ATP2B1: variants seen among roughly 807,000 people sequenced by gnomAD.
The protein encoded by ATP2B1 is plasma membrane calcium-transporting ATPase 1.
Under a neutral mutation model 124.2 loss-of-function variants are expected in ATP2B1, and 14 were observed. The observed-to-expected ratio is 0.11, with a 90% CI of 0.07 to 0.18. The LOEUF is 0.18. Among genes scored for constraint, ATP2B1 ranks in the 10% least tolerant of loss-of-function variants. The pLI, the probability that ATP2B1 is intolerant of heterozygous loss-of-function variation, is 1.00. For missense variants in ATP2B1, 763 were observed against 1,466.1 expected (o/e 0.52, Z 7.83); for synonymous variants, 449 against 492.4 (o/e 0.91, Z 1.17).
rs1219273980 is a variant in ATP2B1, at chr12:89,677,958, A to ATATATATATGTG, written c.-221-21852_-221-21851insCACATATATATA. Among the ~76,000 whole-genome samples, 12 of 30,228 alleles carry ATATATATATGTG rather than the reference A, an allele frequency of 4.0e-4. No homozygotes were observed. The East Asian group carries it at 6.7e-3, about 17-fold the overall frequency. The allele number at this position is 30,228 out of a possible 152,430, so 19.8% of individuals were successfully genotyped here. A position where few individuals can be genotyped will look rare whatever the true frequency, so the allele number is the denominator to read the frequency against. On this transcript the variant is annotated intron_variant, in intron 1 of 20. Transcript: ENST00000428670. ...GGGGTTGGGGGCATGCAGGAATTAT[A>ATATATATATGTG]TATATATATATATACACACACACAC...
At chr12:89,683,919 A>G (rs1204861310) in intron 1 of ATP2B1, among the ~76,000 whole-genome samples, 21 of 152,194 alleles carry the variant, frequency 1.4e-4, no homozygotes, top group Admixed American at 1.4e-3. Context: ...CAGCATTATT[A>G]ATAAATTCAA....
chr12:89,596,348 A>G (rs1323936619), intron 20 of ATP2B1, among the ~76,000 whole-genome samples: 4 of 152,262 alleles, frequency 2.6e-5, no homozygotes, highest in Admixed American at 6.6e-5. Context: ...TGGATTTTTC[A>G]TAAGTCAATG....
At chr12:89,610,300 G>GA in intron 14 of ATP2B1, 121 bp downstream of exon 14, 1 of 915,910 alleles carries the variant, frequency 1.1e-6, no homozygotes, top group Non-Finnish European at 1.7e-6. Flanking sequence ...AATGTATTTA[G>GA]ATTTTATTAA....
chr12:89,608,514 T>TAA (rs780881059), intron 15 of ATP2B1, among the ~76,000 whole-genome samples: 3 of 142,436 alleles, frequency 2.1e-5, no homozygotes, highest in Non-Finnish European at 1.5e-5. Flanking sequence ...TGTTATCATT[T>TAA]AAAAAAAAAA....
rs1406315922 is a variant in ATP2B1, at chr12:89,708,130, G to A, written c.-222+466C>T. Among the ~76,000 whole-genome samples the A allele has an allele frequency of 2.0e-5, 3 of 152,262 alleles. No homozygotes were observed. The East Asian group carries it at 5.8e-4, about 30-fold the overall frequency. ...CCCGCTCCCCTCCCGCAGTGCGTCT[G>A]GGGGGCCGAGGCCAAGGATTAGAGG... On this transcript the variant is annotated intron_variant, in intron 1 of 20. Transcript: ENST00000428670.
intron 1 of ATP2B1, among the ~76,000 whole-genome samples, chr12:89,658,332 T>C (rs967717371): frequency 6.6e-6 from 1 of 152,126 alleles, no homozygotes. Context: ...ATGTAGCTTC[T>C]TCACCTCTGC....
At chr12:89,605,827 T>G (rs1406713743) in intron 15 of ATP2B1, among the ~76,000 whole-genome samples, 2 of 152,122 alleles carry the variant, frequency 1.3e-5, no homozygotes, top group African/African-American at 2.4e-5. Context: ...CGAGTGCAGA[T>G]TAAAGCATGT....
At chr12:89,622,299 A>T (rs79065704) in intron 9 of ATP2B1, among the ~76,000 whole-genome samples, 1 of 150,758 alleles carries the variant, frequency 6.6e-6, no homozygotes, top group Admixed American at 6.6e-5. Context: ...TAGTTGCTTG[A>T]TTTTTTTTTA....
chr12:89,706,822 A>G (rs910870925), intron 1 of ATP2B1, among the ~76,000 whole-genome samples: 2 of 152,198 alleles, frequency 1.3e-5, no homozygotes, highest in African/African-American at 4.8e-5. Flanking sequence ...TCACTTTTGC[A>G]GACTATATGG....
intron 1 of ATP2B1, among the ~76,000 whole-genome samples, chr12:89,697,857 A>G (rs996971919): frequency 6.6e-5 from 10 of 151,882 alleles, no homozygotes. Context: ...TTGCTTTTTC[A>G]GTTACAGGCT....
At chr12:89,690,383 A>T (rs1351647672) in intron 1 of ATP2B1, among the ~76,000 whole-genome samples, 1 of 150,590 alleles carries the variant, frequency 6.6e-6, no homozygotes, top group Admixed American at 6.6e-5. Context: ...AAGTCTTATT[A>T]ATAAAGTGGG....
At chr12:89,621,927 G>T in intron 9 of ATP2B1, 136 bp from the exon 10 acceptor site, 5 of 920,096 alleles carry the variant, frequency 5.4e-6, no homozygotes, top group Non-Finnish European at 5.8e-6. Flanking sequence ...AAGTACCAAT[G>T]TAATACTGAA....
At chr12:89,614,162 A>G (rs1489472150) in intron 12 of ATP2B1, among the ~76,000 whole-genome samples, 2 of 152,300 alleles carry the variant, frequency 1.3e-5, no homozygotes, top group Non-Finnish European at 2.9e-5. Flanking sequence ...CCGTAAGTCA[A>G]TGTATAGAAC....
intron 20 of ATP2B1, chr12:89,594,180 GA>G (rs1874127691): frequency 1.3e-5 from 2 of 151,890 alleles, no homozygotes; most frequent in Non-Finnish European, 2.9e-5. Flanking sequence ...AGGAATCATC[GA>G]ACCAGAGTTG....
chr12:89,605,839 G>T (rs1476043234), intron 15 of ATP2B1, among the ~76,000 whole-genome samples: 1 of 152,174 alleles, frequency 6.6e-6, no homozygotes, highest in Non-Finnish European at 1.5e-5. Context: ...AAAGCATGTT[G>T]AAAGATGCTG....
intron 18 of ATP2B1, among the ~76,000 whole-genome samples, chr12:89,602,365 T>C (rs920868171): frequency 1.3e-5 from 2 of 152,214 alleles, no homozygotes; most frequent in Middle Eastern, 3.2e-3. Flanking sequence ...GTTAACTAGT[T>C]CCCAAATATT....
intron 1 of ATP2B1, among the ~76,000 whole-genome samples, chr12:89,693,755 A>C (rs1443992807): frequency 6.6e-6 from 1 of 152,244 alleles, no homozygotes. Flanking sequence ...TGTATTTAAA[A>C]TATGAATAAA....
intron 12 of ATP2B1, 149 bp downstream of exon 12, chr12:89,616,653 G>A (rs779977617): frequency 3.5e-4 from 238 of 681,304 alleles, no homozygotes; most frequent in Non-Finnish European, 5.6e-4. Flanking sequence ...TGCACTGTAG[G>A]TACTATTATT....
At chr12:89,685,061 T>C (rs1889800375) in intron 1 of ATP2B1, among the ~76,000 whole-genome samples, 1 of 152,174 alleles carries the variant, frequency 6.6e-6, no homozygotes, top group South Asian at 2.1e-4. Flanking sequence ...TATTTCTCAA[T>C]GTAGCCTCCG....
Sources: gnomAD v4.1 joint callset for allele counts (sites outside exome capture counted in the v4.1 genomes callset) on GRCh38, gnomAD v4.1.1 for gene constraint, MANE v1.5 for transcripts, NCBI Gene and HGNC (gene_info 2026-07-23, HGNC 2026-07-21) for gene names.